EVI5: variants seen among roughly 807,000 people sequenced by gnomAD.
The protein encoded by EVI5 is ecotropic viral integration site 5 protein homolog.
Under a neutral mutation model 112.0 loss-of-function variants are expected in EVI5, and 73 were observed. The ratio of observed to expected loss-of-function variants is 0.65; its 90% CI spans 0.54 to 0.79. The LOEUF (loss-of-function observed/expected upper bound fraction) is 0.79, where lower values mean the gene tolerates loss of function less well. EVI5 is among the 30% of genes least tolerant of loss of function. The probability of loss-of-function intolerance (pLI) is 0.00; values close to 1 mark genes in which losing one functional copy is unlikely to be tolerated. For synonymous variants in EVI5, 305 were observed against 319.9 expected (o/e 0.95, Z 0.50); for missense variants, 900 against 968.8 (o/e 0.93, Z 0.94).
intron 18 of EVI5, among the ~76,000 whole-genome samples, chr1:92,577,924 G>GAA (rs1671331091): frequency 6.6e-6 from 1 of 151,948 alleles, no homozygotes; most frequent in Admixed American, 6.6e-5. Flanking sequence ...TTGTTTTTTT[G>GAA]TTTGTTTTGG....
chr1:92,517,985 C>T (rs540442578), intron 19 of EVI5, among the ~76,000 whole-genome samples: 139 of 149,318 alleles, frequency 9.3e-4, no homozygotes, highest in Non-Finnish European at 1.7e-3. Context: ...GCAACCTCTG[C>T]CTCCTGGGCT....
At position 92,694,361 on chromosome 1, in the gene EVI5, A is replaced by G; in HGVS notation, c.937T>C (p.Leu313=). The change falls in exon 8 of 20, where the codon TTA becomes CTA. Residue 313 remains leucine (L), a synonymous_variant. Transcript: ENST00000684568. ...GCCTGATTCATCTGAAGAAGTGCTA[A>G]TCCTACACGAAACACTATTTCTAAA... ...EGLEIVFRVG[L]ALLQMNQAEL... 6.2e-7 allele frequency: 1 copy of G among 1,604,346 alleles called. No homozygotes were observed. Among genetic ancestry groups the G allele is most frequent in the African/African-American group, 1.3e-5 (1 of 74,704 alleles).
intron 13 of EVI5, among the ~76,000 whole-genome samples, chr1:92,642,036 C>A (rs1660079699): frequency 6.6e-6 from 1 of 152,068 alleles, no homozygotes; most frequent in African/African-American, 2.4e-5. Flanking sequence ...GAGGCTGAGG[C>A]AGGAGAGTCA....
chr1:92,566,587 T>C (rs1669523358), intron 18 of EVI5, among the ~76,000 whole-genome samples: 1 of 152,190 alleles, frequency 6.6e-6, no homozygotes, highest in Admixed American at 6.5e-5. Context: ...TATTTTAGTG[T>C]ATTCTTTTTA....
intron 1 of EVI5, among the ~76,000 whole-genome samples, chr1:92,737,466 C>A (rs531765145): frequency 6.6e-6 from 1 of 152,274 alleles, no homozygotes; most frequent in African/African-American, 2.4e-5. Flanking sequence ...TAAGATTCAA[C>A]GAATTATACA....
chr1:92,559,382 A>G (rs1193355679), intron 19 of EVI5, among the ~76,000 whole-genome samples: 2 of 152,144 alleles, frequency 1.3e-5, no homozygotes, highest in African/African-American at 4.8e-5. Context: ...CAGCCACACT[A>G]GCATTGTTTC....
At chr1:92,573,443 A>T (rs892048212) in intron 18 of EVI5, among the ~76,000 whole-genome samples, 6 of 152,092 alleles carry the variant, frequency 3.9e-5, no homozygotes, top group African/African-American at 1.4e-4. Context: ...ATATTATTTT[A>T]TAAGTTTAAT....
intron 9 of EVI5, among the ~76,000 whole-genome samples, chr1:92,689,665 G>T (rs1215415485): frequency 2.0e-5 from 3 of 151,922 alleles, no homozygotes; most frequent in Non-Finnish European, 4.4e-5. Context: ...CACTGCACGT[G>T]GCCACAATAA....
intron 5 of EVI5, 81 bp from the exon 6 acceptor site, chr1:92,698,066 C>G: frequency 4.6e-6 from 6 of 1,304,666 alleles, no homozygotes; most frequent in Non-Finnish European, 6.5e-6. Context: ...ACTAAGTACA[C>G]AGCCAACCAC....
chr1:92,632,159 C>T (rs778194487), intron 14 of EVI5, among the ~76,000 whole-genome samples: 2 of 152,182 alleles, frequency 1.3e-5, no homozygotes, highest in Non-Finnish European at 2.9e-5. Flanking sequence ...CATTGTGTCT[C>T]TGCCAACCTT....
intron 18 of EVI5, among the ~76,000 whole-genome samples, chr1:92,574,482 C>A (rs1670750485): frequency 6.6e-6 from 1 of 152,042 alleles, no homozygotes; most frequent in African/African-American, 2.4e-5. Flanking sequence ...TTCTAAGTAG[C>A]ATGGTTTTAA....
intron 13 of EVI5, among the ~76,000 whole-genome samples, chr1:92,642,035 G>A (rs1359199195): frequency 6.6e-6 from 1 of 152,090 alleles, no homozygotes; most frequent in East Asian, 1.9e-4. Flanking sequence ...GGAGGCTGAG[G>A]CAGGAGAGTC....
chr1:92,702,910 T>A lies in EVI5; in HGVS notation c.564+485A>T, dbSNP rs1003148467. 2.0e-5 allele frequency among the ~76,000 whole-genome samples: 3 copies of A among 151,976 alleles called. No individual in the cohort carries two copies. In the South Asian group the frequency reaches 6.2e-4, roughly 32 times the overall value. Reference sequence around the variant, plus strand: ...GAAATTGAAATGATTTAACAAGAAGTCAGTATTTCAAAGAAGTAGCTAAAA... The same window carrying A: ...GAAATTGAAATGATTTAACAAGAAGACAGTATTTCAAAGAAGTAGCTAAAA... On this transcript the variant is annotated intron_variant, in intron 4 of 19. Coordinates refer to ENST00000684568, the MANE Select transcript of EVI5 (RefSeq NM_001350197.2).
chr1:92,712,300 G>C (rs1170376915), intron 2 of EVI5, among the ~76,000 whole-genome samples: 1 of 151,994 alleles, frequency 6.6e-6, no homozygotes, highest in African/African-American at 2.4e-5. Context: ...ACAGAAGAAA[G>C]ATACCTAAAT....
At chr1:92,592,510 C>G (rs1271882697) in intron 18 of EVI5, among the ~76,000 whole-genome samples, 1 of 152,122 alleles carries the variant, frequency 6.6e-6, no homozygotes, top group Non-Finnish European at 1.5e-5. Context: ...ATTAAAAGAA[C>G]TAGAGAAGCA....
At chr1:92,536,310 A>T (rs529361797) in intron 19 of EVI5, among the ~76,000 whole-genome samples, 10 of 152,340 alleles carry the variant, frequency 6.6e-5, no homozygotes, top group Non-Finnish European at 1.3e-4. Flanking sequence ...GAAAGCGATA[A>T]GTTATTATAC....
chr1:92,682,973 T>A (rs1667862741), intron 9 of EVI5, among the ~76,000 whole-genome samples: 1 of 152,230 alleles, frequency 6.6e-6, no homozygotes, highest in East Asian at 1.9e-4. Flanking sequence ...GTAATTTATA[T>A]GTACTTTAAA....
At chr1:92,782,121 T>C (rs1684944327) in intron 1 of EVI5, among the ~76,000 whole-genome samples, 1 of 151,786 alleles carries the variant, frequency 6.6e-6, no homozygotes, top group African/African-American at 2.4e-5. Flanking sequence ...TAGCCGGGCA[T>C]GGTGGCACAC....
intron 18 of EVI5, among the ~76,000 whole-genome samples, chr1:92,573,243 G>A (rs1670576340): frequency 6.6e-6 from 1 of 151,892 alleles, no homozygotes; most frequent in Admixed American, 6.6e-5. Flanking sequence ...AAATATCTAG[G>A]AACAGGACTT....
Sources: allele counts gnomAD v4.1 joint callset (sites outside exome capture counted in the v4.1 genomes callset), GRCh38; gene constraint gnomAD v4.1.1; transcripts MANE v1.5; gene names NCBI Gene and HGNC (gene_info 2026-07-23, HGNC 2026-07-21).